The following STK11IP variants were observed in gnomAD, a reference collection of about 807,000 sequenced individuals.
The protein encoded by STK11IP is serine/threonine-protein kinase 11-interacting protein.
STK11IP carries 103 observed loss-of-function variants against 131.7 expected under a neutral mutation model. The ratio of observed to expected loss-of-function variants is 0.78; its 90% CI spans 0.67 to 0.92. STK11IP has a LOEUF of 0.92. STK11IP is among the 40% of genes least tolerant of loss of function. The probability of loss-of-function intolerance (pLI) is 0.00; values close to 1 mark genes in which losing one functional copy is unlikely to be tolerated. For synonymous variants in STK11IP, 557 were observed against 575.6 expected (o/e 0.97, Z 0.46); for missense variants, 1,315 against 1,385.7 (o/e 0.95, Z 0.81).
At chr2:219,605,018 CG>C (rs1352858825) in intron 7 of STK11IP, among the ~76,000 whole-genome samples, 1 of 152,232 alleles carries the variant, frequency 6.6e-6, no homozygotes, top group East Asian at 1.9e-4. Context: ...TTAGTAGAGA[CG>C]GGGTTTCACA....
chr2:219,606,551 G>A (rs1478088295), intron 11 of STK11IP, 34 bp downstream of exon 11: 2 of 1,612,080 alleles, frequency 1.2e-6, no homozygotes, highest in South Asian at 2.2e-5. Context: ...ACTGTTGGGG[G>A]AAGACACGAA....
chr2:219,605,786 G>A (rs773005820), intron 8 of STK11IP, 52 bp downstream of exon 8: 1 of 1,571,822 alleles, frequency 6.4e-7, no homozygotes, highest in Non-Finnish European at 8.6e-7. Flanking sequence ...GGGAGAGTGA[G>A]GCTGGGGCTG....
At chr2:219,600,049 TTTTGTTTTTG>T in intron 2 of STK11IP, among the ~76,000 whole-genome samples, 3 of 139,338 alleles carry the variant, frequency 2.2e-5, no homozygotes, top group African/African-American at 9.0e-5. Context: ...GTGTTTTTTT[TTTTGTTTTTG>T]TTTTTTTTTT....
In STK11IP at chr2:219,611,788, T is replaced by C. The variant is rs1219712075; in HGVS notation, c.2289T>C (p.Pro763=). 6.2e-7 allele frequency: 1 copy of C among 1,612,908 alleles called. No individual in the cohort carries two copies. Residue 763 remains proline, a synonymous_variant, in exon 18 of 25, where the codon CCT becomes CCC. Coordinates refer to ENST00000456909, the MANE Select transcript of STK11IP (RefSeq NM_052902.4). ...DHLDRAKNSP[P]QAPSTRDHGS... ...TTGACAGGGCCAAGAACAGCCCACCTCAGGCACCGAGCACCCGTGACCATG... is the reference window on the plus strand; with the variant it reads ...TTGACAGGGCCAAGAACAGCCCACCCCAGGCACCGAGCACCCGTGACCATG...
intron 24 of STK11IP, 148 bp from the exon 25 acceptor site, chr2:219,615,896 G>C: frequency 9.7e-7 from 1 of 1,033,106 alleles, no homozygotes; most frequent in Non-Finnish European, 1.5e-6. Flanking sequence ...TCAGAGTCAG[G>C]ATCTTTTATG....
chr2:219,608,829 G>T, intron 15 of STK11IP, 41 bp downstream of exon 15: 1 of 1,538,338 alleles, frequency 6.5e-7, no homozygotes, highest in East Asian at 2.4e-5. Flanking sequence ...AGCCAGTTAT[G>T]GGAACATGGC....
intron 19 of STK11IP, 50 bp downstream of exon 19, chr2:219,612,108 C>G (rs957813937): frequency 6.6e-7 from 1 of 1,519,454 alleles, no homozygotes; most frequent in Non-Finnish European, 9.0e-7. Flanking sequence ...AGGGTGCCCA[C>G]TCGTTTCCAT....
intron 15 of STK11IP, 35 bp downstream of exon 15, chr2:219,608,823 A>G (rs767075182): frequency 6.5e-7 from 1 of 1,549,378 alleles, no homozygotes; most frequent in East Asian, 2.4e-5. Flanking sequence ...TGGAGGAGCC[A>G]GTTATGGGAA....
At chr2:219,612,154 C>A in intron 19 of STK11IP, 96 bp downstream of exon 19, 2 of 1,137,312 alleles carry the variant, frequency 1.8e-6, no homozygotes, top group Non-Finnish European at 2.5e-6. Flanking sequence ...ACTCTAGAGA[C>A]CTGATCTGGC....
rs758182920 is a variant in STK11IP at position 219,614,149 on chromosome 2, G to A, written c.2717-12G>A. 3 of 1,613,392 alleles carry A rather than the reference G, an allele frequency of 1.9e-6. No homozygotes were observed. The highest frequency in any genetic ancestry group is 1.1e-5 in the South Asian group (1 of 91,086). Reference sequence around the variant, plus strand: ...AGAGCCTTCTAAAGTTCCCTGGCCTGCCTCTGTCTAGATGTCTTGCAGTCT... The same window carrying A: ...AGAGCCTTCTAAAGTTCCCTGGCCTACCTCTGTCTAGATGTCTTGCAGTCT... On this transcript the variant is annotated splice_polypyrimidine_tract_variant and intron_variant, in intron 21 of 24. Transcript: ENST00000456909.
At position 219,614,218 on chromosome 2, in the gene STK11IP, A is replaced by T. The variant is rs768793736; in HGVS notation, c.2774A>T (p.Glu925Val). 41 of 1,613,174 alleles carry T rather than the reference A, an allele frequency of 2.5e-5. 1 individual carries two copies. The highest frequency in any genetic ancestry group is 1.1e-4 in the South Asian group (10 of 91,088). The change falls in exon 22 of 25, where the codon GAG becomes GTG. Residue 925 changes from glutamate (E) to valine (V), a missense_variant. Glu to Val is a moderately radical substitution (Grantham distance 121). Coordinates refer to ENST00000456909, the MANE Select transcript of STK11IP (RefSeq NM_052902.4). ...WRNCVSATEE[E>V]VTPQHRLWPL... Reference sequence around the variant, plus strand: ...AACTGTGTCAGTGCCACAGAGGAGGAGGTCACCCCCCAGCACCGGCTCTGG... The same window carrying T: ...AACTGTGTCAGTGCCACAGAGGAGGTGGTCACCCCCCAGCACCGGCTCTGG...
chr2:219,613,490 T>G (rs1450807784), intron 20 of STK11IP, among the ~76,000 whole-genome samples: 1 of 3,756 alleles, frequency 2.7e-4, no homozygotes, highest in Non-Finnish European at 4.6e-4. Flanking sequence ...GGACGTGGGG[T>G]GAGTGAAGGG....
Position 219,615,330 on chromosome 2 carries a change from T to C in STK11IP, c.3106T>C (p.Phe1036Leu). 1.2e-6 allele frequency: 2 copies of C among 1,601,070 alleles called. No homozygotes were observed. Among genetic ancestry groups the C allele is most frequent in the Non-Finnish European group, 1.7e-6 (2 of 1,178,940 alleles). ...RSAPEDLRLL[F>L]YDEVSRLESF... The stretch of plus-strand genomic sequence containing the variant: ...AGCCCCTGAGGACTTGCGGCTGCTC[T>C]TCTACGATGAGGTGTGTATGTGTAT... Residue 1036 changes from phenylalanine to leucine, a missense_variant, in exon 24 of 25, where the codon TTC (phenylalanine) becomes CTC (leucine). Transcript: ENST00000456909.
intron 2 of STK11IP, chr2:219,598,563 T>G (rs962788000): frequency 5.6e-6 from 1 of 179,694 alleles, no homozygotes; most frequent in Non-Finnish European, 1.2e-5. Context: ...CCACTTGGGT[T>G]GGAATATCAA....
Position 219,605,803 on chromosome 2 carries a change from G to A in STK11IP, c.745+69G>A, listed in dbSNP as rs1698131567. On this transcript the variant is annotated intron_variant, in intron 8 of 24. Coordinates refer to ENST00000456909, the MANE Select transcript of STK11IP (RefSeq NM_052902.4). ...GAGAGTGAGGCTGGGGCTGGCCTGG[G>A]GACCATGTGCCTCTAGAGCCTTGAG... is the stretch of plus-strand genomic sequence containing the variant. The A allele has an allele frequency of 2.6e-6, 4 of 1,553,216 alleles. No homozygotes were observed. In the African/African-American group the frequency reaches 4.1e-5, roughly 16 times the overall value.
At position 219,613,709 on chromosome 2, in the gene STK11IP, C is replaced by G. The variant is rs371059494; in HGVS notation, c.2538-43C>G. On this transcript the variant is annotated intron_variant, in intron 20 of 24. Coordinates refer to ENST00000456909, the MANE Select transcript of STK11IP (RefSeq NM_052902.4). ...GCAGGGCCTCTCTGGGACTCTCACT[C>G]CACTCTCATGCTTCTCCATTGCTCT... The G allele has an allele frequency of 2.4e-4, 386 of 1,610,908 alleles. 1 individual carries two copies. Among genetic ancestry groups the G allele is most frequent in the Non-Finnish European group, 2.8e-4 (327 of 1,178,636 alleles).
chr2:219,601,170 G>A (rs1697969915), intron 2 of STK11IP, 65 bp from the exon 3 acceptor site: 3 of 1,390,574 alleles, frequency 2.2e-6, no homozygotes, highest in Non-Finnish European at 3.0e-6. Flanking sequence ...GCATCATAGA[G>A]CCTTAGAATA....
At position 219,616,051 on chromosome 2, in the gene STK11IP, G is replaced by A. The variant is rs758120259; in HGVS notation, c.3125G>A (p.Arg1042Gln). The change falls in exon 25 of 25, where the codon CGG becomes CAG. Residue 1042 changes from arginine (R) to glutamine (Q), a missense_variant. Coordinates refer to ENST00000456909, the MANE Select transcript of STK11IP (RefSeq NM_052902.4). ...LRLLFYDEVS[R>Q]LESFWALRVV... ...AACTGCTCGGTCTGCCAGGTGTCCC[G>A]GCTGGAGAGCTTTTGGGCACTCCGT... The A allele has an allele frequency of 5.5e-5, 88 of 1,613,506 alleles. No homozygotes were observed. Among genetic ancestry groups the A allele is most frequent in the Non-Finnish European group, 7.0e-5 (82 of 1,179,762 alleles).
intron 24 of STK11IP, chr2:219,615,717 T>A (rs1382627495): frequency 1.5e-6 from 1 of 645,508 alleles, no homozygotes; most frequent in African/African-American, 1.8e-5. Flanking sequence ...GTGAGGAAGC[T>A]GAGGCTTGGG....
Sources: gnomAD v4.1 joint callset for allele counts (sites outside exome capture counted in the v4.1 genomes callset) on GRCh38, gnomAD v4.1.1 for gene constraint, MANE v1.5 for transcripts, NCBI Gene and HGNC (gene_info 2026-07-23, HGNC 2026-07-21) for gene names.